FAM120C: variants seen among roughly 807,000 people sequenced by gnomAD.
FAM120C encodes constitutive coactivator of PPAR-gamma-like protein 2.
In FAM120C, 14 loss-of-function variants were observed where a neutral mutation model predicts 71.2. The ratio of observed to expected loss-of-function variants is 0.20; its 90% CI spans 0.13 to 0.31. FAM120C has a LOEUF of 0.31. Among genes scored for constraint, FAM120C ranks in the 10% least tolerant of loss-of-function variants. The pLI, the probability that FAM120C is intolerant of heterozygous loss-of-function variation, is 1.00. For synonymous variants in FAM120C, 354 were observed against 353.2 expected (o/e 1.00, Z -0.03); for missense variants, 500 against 879.0 (o/e 0.57, Z 5.45).
chrX:54,080,476 C>T (rs1359500958), intron 14 of FAM120C, among the ~76,000 whole-genome samples, 187 bp from the exon 15 acceptor site: 2 of 111,837 alleles, frequency 1.8e-5, no homozygotes, highest in Non-Finnish European at 3.8e-5. Flanking sequence ...GTTCTGTATC[C>T]CATGTCCTCC....
chrX:54,155,549 CAG>C (rs1381329897), intron 3 of FAM120C, among the ~76,000 whole-genome samples: 1 of 111,389 alleles, frequency 9.0e-6, no homozygotes, highest in African/African-American at 3.3e-5. Context: ...GAAAAGCAAA[CAG>C]GGGAAGGGAA....
At chrX:54,118,699 CTTTTTTTTTTTTTT>C (rs1187381929) in intron 9 of FAM120C, among the ~76,000 whole-genome samples, 1 of 31,730 alleles carries the variant, frequency 3.2e-5, no homozygotes, top group African/African-American at 1.4e-4. Context: ...TTCTTTTTTT[CTTTTTTTTTTTTTT>C]TTTTTTTTTT....
chrX:54,112,840 C>CA (rs201361878), intron 10 of FAM120C, among the ~76,000 whole-genome samples: 5 of 73,450 alleles, frequency 6.8e-5, no homozygotes, highest in African/African-American at 2.6e-4. Context: ...GACTCTGTCT[C>CA]AAAAAAAAAA....
chrX:54,130,104 AGGGAGAGGGAGAGGGAGAGGGAGACCGTG>A (rs1557129045), intron 9 of FAM120C, among the ~76,000 whole-genome samples: 3 of 8,868 alleles, frequency 3.4e-4, no homozygotes, highest in Non-Finnish European at 2.0e-4. Context: ...CCGTGGGGAG[AGGGAGAGGGAGAGGGAGAGGGAGACCGTG>A]GGGAGAGGGA....
chrX:54,116,886 T>C (rs2066970698), intron 9 of FAM120C, 92 bp from the exon 10 acceptor site: 2 of 1,006,826 alleles, frequency 2.0e-6, no homozygotes, highest in Non-Finnish European at 2.7e-6. Context: ...TCCATTGCAT[T>C]TCAACTCTTA....
chrX:54,080,587 C>T (rs938609745), intron 14 of FAM120C, among the ~76,000 whole-genome samples: 3 of 111,686 alleles, frequency 2.7e-5, no homozygotes, highest in Admixed American at 9.6e-5. Context: ...GGGCCGGGCG[C>T]GGTGGCTCAC....
intron 10 of FAM120C, among the ~76,000 whole-genome samples, chrX:54,106,294 A>G (rs2066906760): frequency 1.8e-5 from 2 of 112,145 alleles, no homozygotes; most frequent in African/African-American, 6.5e-5. Context: ...AACCTGACAA[A>G]AACAAGCAAA....
intron 4 of FAM120C, among the ~76,000 whole-genome samples, chrX:54,143,460 G>T (rs1458720321): frequency 1.8e-5 from 2 of 110,314 alleles, no homozygotes; most frequent in Non-Finnish European, 3.8e-5. Flanking sequence ...TCAAATAGAC[G>T]CAATAAAAAA....
At chrX:54,078,731 A>G (rs1419809844) in intron 15 of FAM120C, among the ~76,000 whole-genome samples, 2 of 110,702 alleles carry the variant, frequency 1.8e-5, no homozygotes, top group Non-Finnish European at 3.8e-5. Flanking sequence ...GCTATACTAT[A>G]AGAAGCCCAG....
chrX:54,116,478 G>C, intron 10 of FAM120C, 67 bp downstream of exon 10: 1 of 1,109,585 alleles, frequency 9.0e-7, no homozygotes, highest in Non-Finnish European at 1.2e-6. Context: ...ATAAAAGCAG[G>C]TGCTTAAAGG....
chrX:54,149,210 T>A (rs1460584719), intron 4 of FAM120C, among the ~76,000 whole-genome samples: 2 of 112,390 alleles, frequency 1.8e-5, no homozygotes, highest in African/African-American at 6.5e-5. Context: ...GGTAAATGTA[T>A]AAACAAACTG....
chrX:54,117,873 C>T (rs2066980126), intron 9 of FAM120C, among the ~76,000 whole-genome samples: 1 of 111,230 alleles, frequency 9.0e-6, no homozygotes, highest in Non-Finnish European at 1.9e-5. Flanking sequence ...CAATGAGATA[C>T]ACCAAAAGAT....
chrX:54,085,381 A>C (rs2066788711), intron 13 of FAM120C, among the ~76,000 whole-genome samples: 1 of 112,128 alleles, frequency 8.9e-6, no homozygotes, highest in African/African-American at 3.2e-5. Flanking sequence ...TGAGGTCAGG[A>C]GTTCGAGACC....
chrX:54,133,934 C>T lies in FAM120C; in HGVS notation c.1729G>A (p.Gly577Ser). The change falls in exon 8 of 16, where the codon GGT becomes AGT. Residue 577 changes from glycine to serine, a missense_variant. Gly to Ser is a moderately conservative substitution (Grantham distance 56). Transcript: ENST00000375180. ...AGCAGAGATGGGATGTGGGGCTCAC[C>T]ATCACCTAGGCTCGCTTCTGAAACT... is the stretch of plus-strand genomic sequence containing the variant. The part of the protein sequence containing the change: ...TGVSEASLGD[G>S]EPHIPSLLSM... 1 of 1,211,638 alleles carries T rather than the reference C, an allele frequency of 8.3e-7. No homozygotes were observed. The highest frequency in any genetic ancestry group is 1.1e-6 in the Non-Finnish European group (1 of 895,480).
chrX:54,139,561 T>C (rs996924274), intron 4 of FAM120C, among the ~76,000 whole-genome samples: 5 of 110,790 alleles, frequency 4.5e-5, no homozygotes, highest in African/African-American at 9.8e-5. Flanking sequence ...CAGGATGGTC[T>C]TGATCTCCTG....
intron 1 of FAM120C, among the ~76,000 whole-genome samples, chrX:54,173,040 G>A (rs1557136138): frequency 8.9e-6 from 1 of 112,259 alleles, no homozygotes; most frequent in African/African-American, 3.2e-5. Context: ...GCAAATGCTT[G>A]TTTATAACAT....
At chrX:54,135,837 C>T (rs2067091640) in intron 5 of FAM120C, among the ~76,000 whole-genome samples, 1 of 111,296 alleles carries the variant, frequency 9.0e-6, no homozygotes, top group South Asian at 3.8e-4. Flanking sequence ...CCAAGGTTCA[C>T]TTGCTGGTAA....
chrX:54,125,989 C>G (rs1262896445), intron 9 of FAM120C, among the ~76,000 whole-genome samples: 1 of 112,202 alleles, frequency 8.9e-6, no homozygotes, highest in Non-Finnish European at 1.9e-5. Flanking sequence ...TGGTCTTGCA[C>G]TTTTTTCAGT....
chrX:54,147,251 A>G (rs1312395885), intron 4 of FAM120C: 3 of 110,888 alleles, frequency 2.7e-5, no homozygotes, highest in Non-Finnish European at 5.7e-5. Flanking sequence ...AAGGACGTGG[A>G]GGTTTCAGTG....
Sources: gnomAD v4.1 joint callset for allele counts (sites outside exome capture counted in the v4.1 genomes callset) on GRCh38, gnomAD v4.1.1 for gene constraint, MANE v1.5 for transcripts, NCBI Gene and HGNC (gene_info 2026-07-23, HGNC 2026-07-21) for gene names.